Variants in DCLRE1C observed in about 807,000 individuals in gnomAD.
The protein encoded by DCLRE1C is DNA cross-link repair 1C, also known as protein artemis.
In DCLRE1C, 47 loss-of-function variants were observed where a neutral mutation model predicts 61.4. The ratio of observed to expected loss-of-function variants is 0.77; its 90% confidence interval spans 0.61 to 0.98. The LOEUF is 0.98. Ranked by LOEUF, DCLRE1C falls within the 50% of genes least tolerant of loss-of-function variation. The pLI is 0.00. For missense variants in DCLRE1C, 858 were observed against 816.0 expected (o/e 1.05, Z -0.63); for synonymous variants, 337 against 287.6 (o/e 1.17, Z -1.74).
chr10:14,920,548 G>T, intron 12 of DCLRE1C: 1 of 312,154 alleles, frequency 3.2e-6, no homozygotes, highest in Non-Finnish European at 4.7e-6. Flanking sequence ...GCTGTTCTCT[G>T]GATCCATCCC....
In DCLRE1C at chr10:14,907,851, T is replaced by C. The variant is rs1277834030; in HGVS notation, c.*557A>G. The C allele has an allele frequency of 1.5e-5, 2 of 132,458 alleles. No individual in the cohort carries two copies. Among genetic ancestry groups the C allele is most frequent in the East Asian group, 2.3e-4 (1 of 4,320 alleles). The allele number at this position is 132,458 out of a possible 1,614,324, so 8.2% of individuals were successfully genotyped here. A position where few individuals can be genotyped will look rare whatever the true frequency, so the allele number is the denominator to read the frequency against. Reference sequence around the variant, plus strand: ...ACGTATGGGTTTAGTTCTACCATTTTTTTTTCTTTTTTTTTTTTTTTTTTT... The same window carrying C: ...ACGTATGGGTTTAGTTCTACCATTTCTTTTTCTTTTTTTTTTTTTTTTTTT... On this transcript the variant is annotated 3_prime_UTR_variant, in exon 14 of 14. Transcript: ENST00000378278.
chr10:14,903,454 G>GT (rs1834155747), downstream of DCLRE1C: 1 of 152,202 alleles, frequency 6.6e-6, no homozygotes, highest in Admixed American at 6.5e-5. Context: ...TCAGGCAGGT[G>GT]TAACAGTTCC....
chr10:14,899,685 C>T (rs745546710), downstream of DCLRE1C: 9 of 1,612,750 alleles, frequency 5.6e-6, no homozygotes, highest in South Asian at 6.6e-5. Context: ...TGAATCACAG[C>T]GTAAGAAGAC....
intron 12 of DCLRE1C, chr10:14,920,328 AGT>A: frequency 1.1e-5 from 11 of 960,018 alleles, no homozygotes; most frequent in Non-Finnish European, 1.3e-5. Flanking sequence ...GCTAAGACAA[AGT>A]GGAGATAAAA....
intron 13 of DCLRE1C, among the ~76,000 whole-genome samples, chr10:14,917,147 TA>T (rs1199279185): frequency 6.6e-6 from 1 of 152,324 alleles, no homozygotes; most frequent in Admixed American, 6.5e-5. Context: ...TTCAGTGAAT[TA>T]AGATAGTGTT....
intron 4 of DCLRE1C, among the ~76,000 whole-genome samples, chr10:14,938,669 T>G (rs1343459141): frequency 6.6e-6 from 1 of 152,168 alleles, no homozygotes; most frequent in Non-Finnish European, 1.5e-5. Flanking sequence ...CAAAATTTAA[T>G]GATGAAAAAT....
chr10:14,927,598 G>T (rs1047900801), intron 10 of DCLRE1C, among the ~76,000 whole-genome samples: 2 of 88,406 alleles, frequency 2.3e-5, no homozygotes, highest in Admixed American at 3.3e-4. Flanking sequence ...GAGAGGGAGG[G>T]AAGAAGGGAT....
chr10:14,937,776 C>G (rs968854298), intron 4 of DCLRE1C, among the ~76,000 whole-genome samples: 5 of 151,870 alleles, frequency 3.3e-5, no homozygotes, highest in Non-Finnish European at 7.4e-5. Context: ...CACCTGTAAT[C>G]CCAGCTACTC....
Position 14,926,882 on chromosome 10 carries a change from T to G in DCLRE1C, c.933A>C (p.Ser311=). 1 of 1,613,604 alleles carries G rather than the reference T, an allele frequency of 6.2e-7. No homozygotes were observed. Among genetic ancestry groups the G allele is most frequent in the East Asian group, 2.2e-5 (1 of 44,870 alleles). The change falls in exon 11 of 14, where the codon TCA becomes TCC. Residue 311 remains serine (S), a synonymous_variant. Coordinates refer to ENST00000378278, the MANE Select transcript of DCLRE1C (RefSeq NM_001033855.3). ...AGTGAAAAGAAAAACAAGCTCTGTA[T>G]GAACTCTCTCCAGTCCTAAAGGGAA... is the stretch of plus-strand genomic sequence containing the variant. The part of the protein sequence containing the change: ...TNVIVRTGES[S]YRACFSFHSS...
chr10:14,897,580 C>G (rs188438390), exon 14 of DCLRE1C: 4 of 1,341,792 alleles, frequency 3.0e-6, no homozygotes, highest in Non-Finnish European at 3.9e-6. Flanking sequence ...TGGAAAATTA[C>G]CTTTTTATCT....
chr10:14,899,379 C>G, intron 13 of DCLRE1C: 1 of 778,302 alleles, frequency 1.3e-6, no homozygotes, highest in Non-Finnish European at 2.1e-6. Context: ...TTTCCCACCT[C>G]TTTGCATCTG....
chr10:14,924,194 G>A (rs955537843), intron 11 of DCLRE1C, among the ~76,000 whole-genome samples: 11 of 152,222 alleles, frequency 7.2e-5, no homozygotes, highest in Non-Finnish European at 8.8e-5. Flanking sequence ...TCTCTCACTC[G>A]CGTGCGCTCT....
rs1840570727 is a variant in DCLRE1C at position 14,939,795 on chromosome 10, T to A, written c.306+15A>T. On this transcript the variant is annotated intron_variant, in intron 4 of 13. Coordinates refer to ENST00000378278, the MANE Select transcript of DCLRE1C (RefSeq NM_001033855.3). Reference sequence around the variant, plus strand: ...CACATTTTTTTAAAAAAATCAATATTTAATATTTAGTTACCTCTCCTGATG... The same window carrying A: ...CACATTTTTTTAAAAAAATCAATATATAATATTTAGTTACCTCTCCTGATG... 6.3e-7 allele frequency: 1 copy of A among 1,580,796 alleles called. No homozygotes were observed. Among genetic ancestry groups the A allele is most frequent in the African/African-American group, 1.4e-5 (1 of 74,072 alleles).
At chr10:14,901,044 A>T (rs1021229205), downstream of DCLRE1C, 8 of 1,504,694 alleles carry the variant, frequency 5.3e-6, no homozygotes, top group Admixed American at 1.2e-4. Flanking sequence ...CTTAAACTAA[A>T]TCTCTAGGAA....
chr10:14,940,686 G>A (rs1441349668), intron 3 of DCLRE1C, among the ~76,000 whole-genome samples: 1 of 152,186 alleles, frequency 6.6e-6, no homozygotes, highest in South Asian at 2.1e-4. Flanking sequence ...GTAAGTATCT[G>A]ATGAATAGAT....
At position 14,908,303 on chromosome 10, in the gene DCLRE1C, G is replaced by C. The variant is rs1834647305; in HGVS notation, c.*105C>G. The C allele has an allele frequency of 1.0e-6, 1 of 975,378 alleles. No individual in the cohort carries two copies. Among genetic ancestry groups the C allele is most frequent in the African/African-American group, 1.6e-5 (1 of 61,438 alleles). The allele number at this position is 975,378 out of a possible 1,614,324, so 60.4% of individuals were successfully genotyped here. Reference sequence around the variant, plus strand: ...AGTGTGAGCCACCACACCCAACCAGGTTATTTGAACATTTTTAAGTACTGT... The same window carrying C: ...AGTGTGAGCCACCACACCCAACCAGCTTATTTGAACATTTTTAAGTACTGT... On this transcript the variant is annotated 3_prime_UTR_variant, in exon 14 of 14. Coordinates refer to ENST00000378278, the MANE Select transcript of DCLRE1C (RefSeq NM_001033855.3).
At chr10:14,921,135 A>G (rs994074875) in intron 12 of DCLRE1C, among the ~76,000 whole-genome samples, 1 of 152,150 alleles carries the variant, frequency 6.6e-6, no homozygotes, top group African/African-American at 2.4e-5. Context: ...CCTGGCTAAC[A>G]TGGTGAAACC....
At chr10:14,929,272 C>T (rs181307322) in intron 9 of DCLRE1C, among the ~76,000 whole-genome samples, 85 of 152,146 alleles carry the variant, frequency 5.6e-4, no homozygotes, top group African/African-American at 1.7e-3. Context: ...GGCATGGTGG[C>T]GCATGCCTGT....
rs758777228 is a variant in DCLRE1C, at chr10:14,908,647, T to C, written c.1840A>G (p.Ile614Val). 1.2e-6 allele frequency: 2 copies of C among 1,614,204 alleles called. No individual in the cohort carries two copies. The highest frequency in any genetic ancestry group is 1.7e-6 in the Non-Finnish European group (2 of 1,180,036). ...GTTGGTTCTCCAGTACTAGGAACTATTGTCACATCTTTATCTCTGCTTTTC... is the reference window on the plus strand; with the variant it reads ...GTTGGTTCTCCAGTACTAGGAACTACTGTCACATCTTTATCTCTGCTTTTC... ...DLKSRDKDVT[I>V]VPSTGEPTTL... The change falls in exon 14 of 14, where the codon ATA (isoleucine) becomes GTA (valine). Residue 614 changes from isoleucine (I) to valine (V), a missense_variant. By Grantham distance (29) the Ile-to-Val change is conservative. This residue lies in a region of DCLRE1C where 843 missense variants were observed against 783.5 expected (regional missense o/e 1.08). Coordinates refer to ENST00000378278, the MANE Select transcript of DCLRE1C (RefSeq NM_001033855.3).
Sources: allele counts gnomAD v4.1 joint callset (sites outside exome capture counted in the v4.1 genomes callset), GRCh38; gene constraint gnomAD v4.1.1; regional missense constraint gnomAD v4.1.1; transcripts MANE v1.5; gene names NCBI Gene and HGNC (gene_info 2026-07-23, HGNC 2026-07-21).